The following MIS18BP1 variants were observed in gnomAD, a reference collection of about 807,000 sequenced individuals.
The protein encoded by MIS18BP1 is mis18-binding protein 1.
A neutral mutation model predicts 116.1 loss-of-function variants in MIS18BP1; 72 were observed. The observed-to-expected ratio is 0.62, with a 90% CI of 0.51 to 0.75. The LOEUF is 0.75. MIS18BP1 is among the 30% of genes least tolerant of loss of function. The probability of loss-of-function intolerance (pLI) is 0.00; values close to 1 mark genes in which losing one functional copy is unlikely to be tolerated. For missense variants in MIS18BP1, 1,363 were observed against 1,303.2 expected, an observed-to-expected ratio of 1.05 and a Z score of -0.71; for synonymous variants, 386 against 427.0, an observed-to-expected ratio of 0.90 and a Z score of 1.18.
intron 13 of MIS18BP1, 108 bp from the exon 14 acceptor site, chr14:45,210,636 A>G (rs1033616983): frequency 1.6e-5 from 21 of 1,344,108 alleles, no homozygotes; most frequent in South Asian, 2.5e-5. Context: ...GTAACTTTCC[A>G]AGTTAGATAA....
intron 13 of MIS18BP1, among the ~76,000 whole-genome samples, chr14:45,216,800 T>A (rs889123735): frequency 6.6e-6 from 1 of 152,236 alleles, no homozygotes; most frequent in African/African-American, 2.4e-5. Context: ...CTTTACTGTT[T>A]GGTTCTACAA....
chr14:45,225,740 T>G (rs965838176), intron 10 of MIS18BP1, among the ~76,000 whole-genome samples: 44 of 152,278 alleles, frequency 2.9e-4, no homozygotes, highest in African/African-American at 1.1e-3. Context: ...AAAACCTAAG[T>G]AATGAGAAGT....
intron 4 of MIS18BP1, among the ~76,000 whole-genome samples, chr14:45,240,840 T>C (rs1891556501): frequency 1.3e-5 from 2 of 151,978 alleles, no homozygotes; most frequent in Admixed American, 6.6e-5. Context: ...AGGCGGAGGT[T>C]GCAATGAGCT....
rs1195523919 is a variant in MIS18BP1, at chr14:45,246,894, T to C, written c.393A>G (p.Ser131=). ...KVLRDKQEQP[S]RNSSLLEPQK... ...GTGGTTCCAACAAACTACTGTTTCT[T>C]GATGGCTGTTCTTGCTTGTCACGCA... Residue 131 remains serine (S), a synonymous_variant, in exon 2 of 17, where the codon TCA becomes TCG. Coordinates refer to ENST00000310806, the MANE Select transcript of MIS18BP1 (RefSeq NM_018353.5). 1.2e-6 allele frequency: 2 copies of C among 1,612,652 alleles called. No homozygotes were observed. Among genetic ancestry groups the C allele is most frequent in the African/African-American group, 1.3e-5 (1 of 74,808 alleles).
chr14:45,250,953 A>C (rs968937518), intron 1 of MIS18BP1, among the ~76,000 whole-genome samples: 38 of 147,572 alleles, frequency 2.6e-4, no homozygotes, highest in Non-Finnish European at 1.5e-5. Context: ...AGGAGAATGG[A>C]GTGAACCCGG....
In MIS18BP1 at chr14:45,231,195, T is replaced by C; in HGVS notation, c.1540A>G (p.Thr514Ala). 6.2e-7 allele frequency: 1 copy of C among 1,613,990 alleles called. No homozygotes were observed. Among genetic ancestry groups the C allele is most frequent in the Non-Finnish European group, 8.5e-7 (1 of 1,179,946 alleles). ...SMKNDARENQTDTAQRATTTY... is the reference protein window; with the variant it reads ...SMKNDARENQADTAQRATTTY... Reference sequence around the variant, plus strand: ...GTGGTGGCTCTTTGAGCAGTATCTGTTTGGTTTTCTCGTGCATCATTTTTC... The same window carrying C: ...GTGGTGGCTCTTTGAGCAGTATCTGCTTGGTTTTCTCGTGCATCATTTTTC... Residue 514 changes from threonine (T) to alanine (A), a missense_variant, in exon 8 of 17, where the codon ACA (threonine) becomes GCA (alanine). Physicochemically the swap from Thr to Ala is moderately conservative, Grantham distance 58 (BLOSUM62 0). Coordinates refer to ENST00000310806, the MANE Select transcript of MIS18BP1 (RefSeq NM_018353.5).
At chr14:45,233,414 T>C (rs977920854) in intron 6 of MIS18BP1, among the ~76,000 whole-genome samples, 4 of 151,974 alleles carry the variant, frequency 2.6e-5, no homozygotes, top group Non-Finnish European at 5.9e-5. Context: ...ACCATTTACT[T>C]TGGACAAGAT....
At chr14:45,250,836 G>A (rs1275031938) in intron 1 of MIS18BP1, among the ~76,000 whole-genome samples, 1 of 152,132 alleles carries the variant, frequency 6.6e-6, no homozygotes, top group Non-Finnish European at 1.5e-5. Context: ...AGGAGATGGA[G>A]ACCATCCTGT....
chr14:45,226,974 C>T (rs1323091991), intron 9 of MIS18BP1, 138 bp from the exon 10 acceptor site: 12 of 618,558 alleles, frequency 1.9e-5, no homozygotes, highest in Non-Finnish European at 2.5e-5. Context: ...GGACACATTC[C>T]GAAACTTACT....
intron 14 of MIS18BP1, chr14:45,210,122 T>A (rs1274897583): frequency 1.1e-5 from 3 of 275,828 alleles, no homozygotes; most frequent in East Asian, 7.0e-5. Flanking sequence ...TTTTTTTTTT[T>A]AAAGTTTTTT....
chr14:45,232,925 T>C, intron 6 of MIS18BP1, 105 bp from the exon 7 acceptor site: 1 of 623,932 alleles, frequency 1.6e-6, no homozygotes. Flanking sequence ...TATTGCTTAA[T>C]ATGTGCCAGG....
intron 10 of MIS18BP1, among the ~76,000 whole-genome samples, chr14:45,225,874 A>C (rs1003396688): frequency 6.6e-6 from 1 of 152,226 alleles, no homozygotes; most frequent in Admixed American, 6.5e-5. Flanking sequence ...AAGATGACTG[A>C]CAGAATGAGA....
At chr14:45,216,985 C>T in intron 13 of MIS18BP1, 34 bp downstream of exon 13, 1 of 1,601,538 alleles carries the variant, frequency 6.2e-7, no homozygotes, top group Non-Finnish European at 8.5e-7. Flanking sequence ...AAAGTCAATA[C>T]AGATAAGGAA....
intron 14 of MIS18BP1, among the ~76,000 whole-genome samples, chr14:45,206,767 G>C (rs1366730195): frequency 6.6e-6 from 1 of 152,054 alleles, no homozygotes; most frequent in South Asian, 2.1e-4. Context: ...GCTCTTTCCG[G>C]TATCTTGCTG....
chr14:45,230,582 A>G (rs1430670730), intron 8 of MIS18BP1, among the ~76,000 whole-genome samples: 1 of 152,182 alleles, frequency 6.6e-6, no homozygotes, highest in East Asian at 1.9e-4. Context: ...TTTGTTTACC[A>G]GTGTTCTTTG....
chr14:45,209,614 T>G (rs371924646), intron 14 of MIS18BP1, among the ~76,000 whole-genome samples: 2 of 152,196 alleles, frequency 1.3e-5, no homozygotes, highest in South Asian at 2.1e-4. Context: ...CCACTGTGCC[T>G]GGCTCTTCAT....
chr14:45,240,177 G>A (rs1160801604), intron 4 of MIS18BP1, among the ~76,000 whole-genome samples: 3 of 151,942 alleles, frequency 2.0e-5, no homozygotes, highest in East Asian at 2.0e-4. Context: ...TAGAGAGTGC[G>A]TGTAGGTAGA....
intron 1 of MIS18BP1, chr14:45,250,140 TAATTC>T (rs1282049312): frequency 6.6e-6 from 1 of 152,182 alleles, no homozygotes; most frequent in Non-Finnish European, 1.5e-5. Flanking sequence ...TCCCTGCCCC[TAATTC>T]AGGCAAGTAG....
At chr14:45,222,285 T>G (rs1312586379) in intron 11 of MIS18BP1, among the ~76,000 whole-genome samples, 1 of 152,086 alleles carries the variant, frequency 6.6e-6, no homozygotes, top group Non-Finnish European at 1.5e-5. Flanking sequence ...TTGTTCCATG[T>G]AAAAAAATCC....
Sources: allele counts gnomAD v4.1 joint callset (sites outside exome capture counted in the v4.1 genomes callset), GRCh38; gene constraint gnomAD v4.1.1; transcripts MANE v1.5; gene names NCBI Gene and HGNC (gene_info 2026-07-23, HGNC 2026-07-21).